OAS2: variants seen among roughly 807,000 people sequenced by gnomAD.
OAS2 encodes the protein 2'-5'-oligoadenylate synthetase 2, also known as 2'-5'-oligoadenylate synthase 2.
Under a neutral mutation model 71.3 loss-of-function variants are expected in OAS2, and 67 were observed. The ratio of observed to expected loss-of-function variants is 0.94; its 90% CI spans 0.77 to 1.15. OAS2 has a LOEUF of 1.15. OAS2 is among the 50% of genes most tolerant of loss of function. OAS2 has a pLI of 0.00. For synonymous variants in OAS2, 327 were observed against 321.8 expected (o/e 1.02, Z -0.17); for missense variants, 789 against 822.5 (o/e 0.96, Z 0.50).
chr12:112,987,013 A>G, intron 1 of OAS2, 25 bp from the exon 2 acceptor site: 1 of 1,592,200 alleles, frequency 6.3e-7, no homozygotes, highest in Non-Finnish European at 8.6e-7. Context: ...CTAGTGTCTC[A>G]TATCTGCTTC....
At chr12:112,985,425 C>A (rs554009345) in intron 1 of OAS2, among the ~76,000 whole-genome samples, 6 of 152,104 alleles carry the variant, frequency 3.9e-5, no homozygotes, top group Non-Finnish European at 7.4e-5. Context: ...TTCTCCTTGA[C>A]CTAGTCTATT....
At chr12:113,009,058 C>A (rs767783915) in intron 9 of OAS2, 29 bp from the exon 10 acceptor site, 3 of 1,601,636 alleles carry the variant, frequency 1.9e-6, no homozygotes, top group South Asian at 1.1e-5. Flanking sequence ...GATTTGGAAT[C>A]TCCTAATGCC....
At position 112,998,471 on chromosome 12, in the gene OAS2, G is replaced by A. The variant is rs567916087; in HGVS notation, c.1008+61G>A. On this transcript the variant is annotated intron_variant, in intron 5 of 9. Coordinates refer to ENST00000392583, the MANE Select transcript of OAS2 (RefSeq NM_002535.3). The stretch of plus-strand genomic sequence containing the variant: ...TGCAGGAAGGTCTTCCTGACACCCA[G>A]GCTAGGTCTTATCTGAGAGTACTCT... 1.9e-5 allele frequency: 29 copies of A among 1,561,692 alleles called. No individual in the cohort carries two copies. The South Asian group carries it at 3.2e-4, about 17-fold the overall frequency.
chr12:113,001,556 C>A (rs1208444517), intron 5 of OAS2, among the ~76,000 whole-genome samples: 1 of 149,216 alleles, frequency 6.7e-6, no homozygotes. Context: ...GCTTCCTCAC[C>A]TTTTCAAGCT....
chr12:112,988,786 A>T (rs1197479297), intron 2 of OAS2: 2 of 960,616 alleles, frequency 2.1e-6, no homozygotes, highest in African/African-American at 3.5e-5. Context: ...GTTTCTAATA[A>T]ATTTGCTTCT....
rs1357265201 is a variant in OAS2, at chr12:112,987,023, C to G, written c.178-15C>G. On this transcript the variant is annotated splice_polypyrimidine_tract_variant and intron_variant, in intron 1 of 9. Transcript: ENST00000392583. ...AGAATCTAGTGTCTCATATCTGCTT[C>G]TTTGTCACTGGCAGGGTGGCTCCTA... is the stretch of plus-strand genomic sequence containing the variant. The G allele has an allele frequency of 1.3e-6, 2 of 1,597,924 alleles. No individual in the cohort carries two copies.
rs550274290 is a variant in OAS2 at position 112,978,750 on chromosome 12, C to T, written c.142C>T (p.Pro48Ser). The change falls in exon 1 of 10, where the codon CCC becomes TCC. Residue 48 changes from proline to serine, a missense_variant. Transcript: ENST00000392583. This position sits in a 1 kb window ranked among gnomAD's most constrained non-coding sequence, Gnocchi z 4.2. ...CACCATCTGTGACGTCCTGCAGGAA[C>T]CCGAACAGTTCCCCCTGGTGCAGGG... Reference protein sequence around the residue: ...VNTICDVLQEPEQFPLVQGVA... With the variant: ...VNTICDVLQESEQFPLVQGVA... 4.3e-6 allele frequency: 7 copies of T among 1,614,024 alleles called. No homozygotes were observed. In the South Asian group the frequency reaches 7.7e-5, roughly 18 times the overall value.
At chr12:112,993,272 T>C (rs2044207438) in intron 2 of OAS2, among the ~76,000 whole-genome samples, 1 of 152,232 alleles carries the variant, frequency 6.6e-6, no homozygotes. Flanking sequence ...CTAGGGCCTT[T>C]GACCCAAAGC....
In OAS2 at chr12:113,010,441, G is replaced by T. The variant is rs762062795; in HGVS notation, c.*1186G>T. 5.0e-6 allele frequency: 8 copies of T among 1,613,932 alleles called. No individual in the cohort carries two copies. Among genetic ancestry groups the T allele is most frequent in the Non-Finnish European group, 6.8e-6 (8 of 1,179,920 alleles). ...ATTGTCAATGAGATGTTCTCATCCA[G>T]AAGCCATAGAATCCTGAATAATAAT... is the stretch of plus-strand genomic sequence containing the variant. On this transcript the variant is annotated 3_prime_UTR_variant, in exon 10 of 10. Transcript: ENST00000392583.
Position 113,004,968 on chromosome 12 carries a change from CTG to C in OAS2, c.1215_1216del (p.Gly406LeufsTer2), listed in dbSNP as rs546558118. The C allele has an allele frequency of 1.3e-4, 205 of 1,614,208 alleles. No individual in the cohort carries two copies. In the African/African-American group the frequency reaches 2.2e-3, roughly 17 times the overall value. ...ACCGCCAAAGGCACAGCTCTGAAGACTGGCTCTGATGCCGATCTCGTCGTGTT... is the reference window on the plus strand; with the variant it reads ...ACCGCCAAAGGCACAGCTCTGAAGACGCTCTGATGCCGATCTCGTCGTGTT... On this transcript the variant is annotated frameshift_variant, in exon 7 of 10. Coordinates refer to ENST00000392583, the MANE Select transcript of OAS2 (RefSeq NM_002535.3). LOFTEE classifies it high-confidence loss of function.
intron 2 of OAS2, among the ~76,000 whole-genome samples, chr12:112,990,764 A>G (rs2044184194): frequency 6.6e-6 from 1 of 152,194 alleles, no homozygotes; most frequent in African/African-American, 2.4e-5. Context: ...TCATACTGCT[A>G]CAAAGAGTCT....
At chr12:112,986,954 T>G (rs2044142794) in intron 1 of OAS2, 84 bp from the exon 2 acceptor site, 1 of 1,518,476 alleles carries the variant, frequency 6.6e-7, no homozygotes, top group Non-Finnish European at 8.8e-7. Flanking sequence ...GGCTTTTACT[T>G]GAGTTGAGAA....
At position 113,002,974 on chromosome 12, in the gene OAS2, T is replaced by C; in HGVS notation, c.1051T>C (p.Phe351Leu). The change falls in exon 6 of 10, where the codon TTC becomes CTC. Residue 351 changes from phenylalanine (F) to leucine (L), a missense_variant. Coordinates refer to ENST00000392583, the MANE Select transcript of OAS2 (RefSeq NM_002535.3). ...GACCCCAGGCCACCTTCTGGATAAG[T>C]TCATCAAGGAGTTTCTCCAGCCCAA... ...FTTPGHLLDK[F>L]IKEFLQPNKC... The C allele has an allele frequency of 6.2e-7, 1 of 1,614,100 alleles. No homozygotes were observed. The highest frequency in any genetic ancestry group is 8.5e-7 in the Non-Finnish European group (1 of 1,179,984).
At chr12:112,988,178 G>A (rs371050859) in intron 2 of OAS2, 1 of 677,136 alleles carries the variant, frequency 1.5e-6, no homozygotes, top group African/African-American at 2.0e-5. Flanking sequence ...CTTAAAGGCA[G>A]CATTAATGAG....
intron 5 of OAS2, among the ~76,000 whole-genome samples, chr12:113,000,416 GA>G (rs11337108): frequency 0.01 from 1,596 of 152,200 alleles, 27 homozygotes; most frequent in African/African-American, 0.036. Context: ...TGCAGTTGTT[GA>G]AGAAAATTTA....
intron 2 of OAS2, among the ~76,000 whole-genome samples, chr12:112,994,509 C>A (rs557087201): frequency 1.3e-5 from 2 of 152,150 alleles, no homozygotes; most frequent in Admixed American, 1.3e-4. Context: ...GCAACATCCA[C>A]CTCTCGGGGT....
chr12:112,983,021 T>C (rs1023702990), intron 1 of OAS2, among the ~76,000 whole-genome samples: 6 of 152,156 alleles, frequency 3.9e-5, no homozygotes, highest in Admixed American at 2.0e-4. Flanking sequence ...AATGGTAATG[T>C]CTCCTTTTTT....
intron 3 of OAS2, 65 bp from the exon 4 acceptor site, chr12:112,997,455 T>G: frequency 7.1e-7 from 1 of 1,399,614 alleles, no homozygotes; most frequent in African/African-American, 1.4e-5. Flanking sequence ...TTTCTTGATT[T>G]CAGATCCCTG....
At chr12:112,991,396 C>G (rs1157499011) in intron 2 of OAS2, among the ~76,000 whole-genome samples, 1 of 152,198 alleles carries the variant, frequency 6.6e-6, no homozygotes, top group Admixed American at 6.5e-5. Flanking sequence ...GGATGCGCAC[C>G]CGTAACACAG....
Sources: allele counts gnomAD v4.1 joint callset (sites outside exome capture counted in the v4.1 genomes callset), GRCh38; gene constraint gnomAD v4.1.1; non-coding constraint Gnocchi (gnomAD v3.1); transcripts MANE v1.5; gene names NCBI Gene and HGNC (gene_info 2026-07-23, HGNC 2026-07-21).